CDH18: variants seen among roughly 807,000 people sequenced by gnomAD.
The protein encoded by CDH18 is cadherin-18.
Under a neutral mutation model 67.9 loss-of-function variants are expected in CDH18, and 31 were observed. The observed-to-expected ratio is 0.46, with a 90% CI of 0.34 to 0.62. The LOEUF is 0.62. CDH18 is among the 20% of genes least tolerant of loss of function. CDH18 has a pLI of 0.01. For missense variants in CDH18, 890 were observed against 975.5 expected (o/e 0.91, Z 1.17); for synonymous variants, 362 against 347.2 (o/e 1.04, Z -0.48).
intron 9 of CDH18, among the ~76,000 whole-genome samples, chr5:19,527,862 G>A (rs1406276930): frequency 6.6e-6 from 1 of 151,552 alleles, no homozygotes; most frequent in Non-Finnish European, 1.5e-5. Context: ...TGTTCCAGTT[G>A]CCTATAAATC....
At chr5:20,095,133 C>T (rs1398134773) in intron 2 of CDH18, among the ~76,000 whole-genome samples, 1 of 151,644 alleles carries the variant, frequency 6.6e-6, no homozygotes, top group East Asian at 2.0e-4. Context: ...GGGAGGGGAA[C>T]ATCACACACC....
At chr5:20,477,928 T>C (rs1411711337) in intron 1 of CDH18, among the ~76,000 whole-genome samples, 1 of 152,052 alleles carries the variant, frequency 6.6e-6, no homozygotes, top group Non-Finnish European at 1.5e-5. Context: ...TGCAGTAAAG[T>C]TGGGAACAGA....
chr5:20,138,849 T>C (rs1009172319), intron 2 of CDH18, among the ~76,000 whole-genome samples: 3 of 152,274 alleles, frequency 2.0e-5, no homozygotes, highest in Middle Eastern at 6.8e-3. Flanking sequence ...TCCATGCTCA[T>C]GGACAGGAAG....
intron 1 of CDH18, among the ~76,000 whole-genome samples, chr5:20,574,414 T>C (rs538363225): frequency 2.0e-5 from 3 of 151,894 alleles, no homozygotes; most frequent in Non-Finnish European, 4.4e-5. Flanking sequence ...ATTAGAAGAG[T>C]GACTCAGGGA....
intron 2 of CDH18, among the ~76,000 whole-genome samples, chr5:20,177,455 A>G (rs76949373): frequency 0.034 from 5,243 of 152,254 alleles, 307 homozygotes; most frequent in African/African-American, 0.12. Context: ...ATAACATTCA[A>G]TGCAAACAAC....
At chr5:20,175,884 C>G (rs1003064108) in intron 2 of CDH18, among the ~76,000 whole-genome samples, 2 of 152,098 alleles carry the variant, frequency 1.3e-5, no homozygotes, top group African/African-American at 4.8e-5. Context: ...TGGCAACACC[C>G]TCACAGATAC....
At chr5:19,525,899 A>G (rs1747685773) in intron 9 of CDH18, among the ~76,000 whole-genome samples, 1 of 152,194 alleles carries the variant, frequency 6.6e-6, no homozygotes, top group South Asian at 2.1e-4. Flanking sequence ...AAGACCTTAA[A>G]GCACTATTTC....
intron 2 of CDH18, among the ~76,000 whole-genome samples, chr5:19,942,727 T>C (rs555192343): frequency 6.6e-6 from 1 of 152,270 alleles, no homozygotes; most frequent in African/African-American, 2.4e-5. Context: ...AGGCTTTGGT[T>C]TGACATCAGT....
chr5:20,173,617 CTGACTAGAGTA>C (rs1439912187), intron 2 of CDH18, among the ~76,000 whole-genome samples: 12 of 152,078 alleles, frequency 7.9e-5, no homozygotes, highest in Non-Finnish European at 1.0e-4. Flanking sequence ...AAAAATATCA[CTGACTAGAGTA>C]TGTAGATTAG....
intron 2 of CDH18, among the ~76,000 whole-genome samples, chr5:19,862,079 T>C (rs1274218943): frequency 6.6e-6 from 1 of 152,092 alleles, no homozygotes; most frequent in East Asian, 1.9e-4. Context: ...AATATGTATA[T>C]CAGGGTAGCC....
At chr5:20,158,118 C>T (rs11747666) in intron 2 of CDH18, among the ~76,000 whole-genome samples, 39,764 of 152,048 alleles carry the variant, frequency 0.26, 6,034 homozygotes, top group Non-Finnish European at 0.33. Flanking sequence ...ATATGTAATA[C>T]GGTTAAAACT....
chr5:19,777,715 T>C (rs1774565154), intron 3 of CDH18, among the ~76,000 whole-genome samples: 2 of 152,220 alleles, frequency 1.3e-5, no homozygotes, highest in South Asian at 4.1e-4. Flanking sequence ...GTCATGGAGA[T>C]TGATCTTAAG....
intron 4 of CDH18, among the ~76,000 whole-genome samples, chr5:19,730,260 T>A (rs904939215): frequency 6.6e-6 from 1 of 152,208 alleles, no homozygotes; most frequent in Non-Finnish European, 1.5e-5. Flanking sequence ...TTTTCTCTAT[T>A]TGTCTAACTG....
chr5:20,240,052 A>T (rs1742776155), intron 2 of CDH18, among the ~76,000 whole-genome samples: 1 of 152,118 alleles, frequency 6.6e-6, no homozygotes, highest in East Asian at 1.9e-4. Context: ...AATAGTTAAG[A>T]ATAATATGTA....
At chr5:19,697,454 A>G (rs1402434) in intron 5 of CDH18, among the ~76,000 whole-genome samples, 1 of 152,108 alleles carries the variant, frequency 6.6e-6, no homozygotes. Context: ...ATATTTGAAT[A>G]CGTAATGTAT....
intron 11 of CDH18, among the ~76,000 whole-genome samples, chr5:19,491,220 CT>C (rs1741417197): frequency 6.6e-6 from 1 of 152,134 alleles, no homozygotes; most frequent in African/African-American, 2.4e-5. Context: ...AGATAACTGA[CT>C]CAGCAGGACA....
intron 3 of CDH18, among the ~76,000 whole-genome samples, chr5:19,830,775 G>T (rs1452192859): frequency 1.3e-5 from 2 of 152,050 alleles, no homozygotes; most frequent in Non-Finnish European, 2.9e-5. Context: ...GCAAAGTTAT[G>T]AAATCAATCT....
intron 2 of CDH18, among the ~76,000 whole-genome samples, chr5:20,038,701 A>G (rs1740121305): frequency 1.3e-5 from 2 of 152,164 alleles, no homozygotes; most frequent in Non-Finnish European, 2.9e-5. Flanking sequence ...TCTCAAAATA[A>G]TAAGAGCTAT....
chr5:19,559,925 CA>C (rs766058553), intron 8 of CDH18, among the ~76,000 whole-genome samples: 8 of 145,306 alleles, frequency 5.5e-5, no homozygotes, highest in East Asian at 2.0e-4. Flanking sequence ...CAAAAACAAA[CA>C]AAAAAAAAAC....
Sources: gnomAD v4.1 joint callset for allele counts (sites outside exome capture counted in the v4.1 genomes callset) on GRCh38, gnomAD v4.1.1 for gene constraint, MANE v1.5 for transcripts, NCBI Gene and HGNC (gene_info 2026-07-23, HGNC 2026-07-21) for gene names.